Variants in PARVG observed in about 807,000 individuals in gnomAD.
PARVG encodes gamma-parvin.
PARVG carries 36 observed loss-of-function variants against 44.4 expected under a neutral mutation model. The ratio of observed to expected loss-of-function variants is 0.81; its 90% CI spans 0.62 to 1.07. The LOEUF (loss-of-function observed/expected upper bound fraction) is 1.07, where lower values mean the gene tolerates loss of function less well. PARVG is among the 50% of genes least tolerant of loss of function. The pLI is 0.00. For missense variants in PARVG, 407 were observed against 407.4 expected (o/e 1.00, Z 0.01); for synonymous variants, 170 against 174.1 (o/e 0.98, Z 0.19).
At chr22:44,199,079 A>T (rs1011401752) in intron 12 of PARVG, among the ~76,000 whole-genome samples, 1 of 150,348 alleles carries the variant, frequency 6.7e-6, no homozygotes, top group Non-Finnish European at 1.5e-5. Flanking sequence ...GCCACCCACC[A>T]TCTATGCACC....
chr22:44,189,688 G>A (rs945188301), intron 6 of PARVG, among the ~76,000 whole-genome samples: 6 of 152,138 alleles, frequency 3.9e-5, no homozygotes, highest in South Asian at 2.1e-4. Flanking sequence ...AGGCCGAGGC[G>A]GGTGGATCAC....
chr22:44,188,946 C>CGT, intron 5 of PARVG, 168 bp from the exon 6 acceptor site: 1 of 765,776 alleles, frequency 1.3e-6, no homozygotes, highest in Non-Finnish European at 2.0e-6. Flanking sequence ...AGCTGGAGGG[C>CGT]ATACCCGATT....
At position 44,207,077 on chromosome 22, in the gene PARVG, CT is replaced by C. The variant is rs2054791143; in HGVS notation, c.*652del. 6.5e-6 allele frequency: 1 copy of C among 152,814 alleles called. No homozygotes were observed. Among genetic ancestry groups the C allele is most frequent in the Admixed American group, 6.6e-5 (1 of 15,218 alleles). 9.5% of individuals were successfully genotyped at this position (152,814 alleles called of 1,614,324 possible). A position where few individuals can be genotyped will look rare whatever the true frequency, so the allele number is the denominator to read the frequency against. ...TTAGTGGGTTCAGGTCATCTCCAGT[CT>C]GTCCTCGGGAGCTGTGGGTTCCCAC... On this transcript the variant is annotated 3_prime_UTR_variant, in exon 14 of 14. Coordinates refer to ENST00000444313, the MANE Select transcript of PARVG (RefSeq NM_022141.7).
rs1023100149 is a variant in PARVG, at chr22:44,192,079, T to C, written c.535T>C (p.Leu179=). Residue 179 remains leucine (L), a synonymous_variant, in exon 8 of 14, where the codon TTG becomes CTG. Transcript: ENST00000444313. ...STKSGLKSEK[L]VEQLTEYSTD... ...CAAAAGTGGTCTGAAGTCAGAGAAGTTGGTGGAACAGCTCACTGAATACAG... is the reference window on the plus strand; with the variant it reads ...CAAAAGTGGTCTGAAGTCAGAGAAGCTGGTGGAACAGCTCACTGAATACAG... The C allele has an allele frequency of 1.2e-5, 20 of 1,613,502 alleles. No homozygotes were observed. Among genetic ancestry groups the C allele is most frequent in the Non-Finnish European group, 1.5e-5 (18 of 1,179,970 alleles).
rs764067564 is a variant in PARVG, at chr22:44,187,911, C to T, written c.247+33C>T. On this transcript the variant is annotated intron_variant, in intron 5 of 13. Coordinates refer to ENST00000444313, the MANE Select transcript of PARVG (RefSeq NM_022141.7). ...GCTGTTTCTGGGGCTGCCTGGGCCT[C>T]GGCCCCATCCCCCTGACCTGGCCCC... The T allele has an allele frequency of 5.2e-5, 84 of 1,609,740 alleles. No homozygotes were observed. In the South Asian group the frequency reaches 5.5e-4, roughly 11 times the overall value.
chr22:44,192,237 C>A, intron 8 of PARVG, 133 bp downstream of exon 8: 1 of 1,014,656 alleles, frequency 9.9e-7, no homozygotes, highest in Non-Finnish European at 1.4e-6. Context: ...CTCTCAGACC[C>A]GAAAATGCTG....
chr22:44,186,147 C>G, intron 4 of PARVG: 1 of 328,512 alleles, frequency 3.0e-6, no homozygotes, highest in Non-Finnish European at 6.1e-6. Flanking sequence ...CCTTACATCC[C>G]GGGGACAGGA....
At chr22:44,188,715 G>T (rs1334048345) in intron 5 of PARVG, 2 of 190,636 alleles carry the variant, frequency 1.0e-5, no homozygotes, top group African/African-American at 2.3e-5. Context: ...GGAAGCAGGG[G>T]GGTCAGGATA....
rs1313696843 is a variant in PARVG at position 44,190,674 on chromosome 22, C to T, written c.504+8C>T. The T allele has an allele frequency of 6.3e-7, 1 of 1,599,378 alleles. No homozygotes were observed. Among genetic ancestry groups the T allele is most frequent in the Non-Finnish European group, 8.6e-7 (1 of 1,166,422 alleles). ...GAGGTCATCACTATCGAGGTAGCAGCCTGGGCCCCAGGGATTTGTAAGCAG... is the reference window on the plus strand; with the variant it reads ...GAGGTCATCACTATCGAGGTAGCAGTCTGGGCCCCAGGGATTTGTAAGCAG... On this transcript the variant is annotated splice_region_variant and intron_variant, in intron 7 of 13. Transcript: ENST00000444313.
intron 3 of PARVG, chr22:44,183,694 C>T (rs1231180081): frequency 3.5e-5 from 15 of 427,372 alleles, no homozygotes; most frequent in South Asian, 6.7e-5. Flanking sequence ...TGCACCAGCA[C>T]CTCTTACCAA....
At chr22:44,183,545 C>A in intron 3 of PARVG, 137 bp downstream of exon 3, 1 of 731,880 alleles carries the variant, frequency 1.4e-6, no homozygotes, top group East Asian at 3.0e-5. Context: ...CCTCCACCTT[C>A]TGCTTTATGC....
chr22:44,174,822 T>G (rs767719545), intron 1 of PARVG, among the ~76,000 whole-genome samples: 6 of 151,872 alleles, frequency 4.0e-5, no homozygotes, highest in Non-Finnish European at 7.4e-5. Context: ...TTCTCACTTG[T>G]TCTCAAATAT....
intron 8 of PARVG, among the ~76,000 whole-genome samples, chr22:44,193,229 AAAG>A (rs1047561688): frequency 2.6e-5 from 4 of 152,338 alleles, no homozygotes; most frequent in East Asian, 1.9e-4. Context: ...ACCAAAAAAA[AAAG>A]AAGAAGAAAA....
chr22:44,183,869 G>A (rs537390846), intron 3 of PARVG: 114 of 375,716 alleles, frequency 3.0e-4, no homozygotes, highest in Admixed American at 2.4e-3. Flanking sequence ...GGTTCCACAC[G>A]GACCACGCAG....
chr22:44,194,708 A>G (rs550907950), intron 9 of PARVG, among the ~76,000 whole-genome samples: 87 of 149,540 alleles, frequency 5.8e-4, no homozygotes, highest in African/African-American at 2.0e-3. Flanking sequence ...CCACCTATCC[A>G]CGCATTCATC....
intron 4 of PARVG, 151 bp from the exon 5 acceptor site, chr22:44,187,625 A>C: frequency 1.4e-6 from 1 of 712,224 alleles, no homozygotes; most frequent in South Asian, 1.7e-5. Flanking sequence ...AGCCTGGGAG[A>C]TCAAGGAGGG....
At chr22:44,186,037 C>T in intron 4 of PARVG, 165 bp downstream of exon 4, 7 of 512,606 alleles carry the variant, frequency 1.4e-5, no homozygotes, top group Non-Finnish European at 2.5e-5. Flanking sequence ...AGCAAGTCAC[C>T]CACAGAGCCT....
intron 5 of PARVG, chr22:44,188,475 A>G (rs1045291605): frequency 1.8e-5 from 3 of 162,406 alleles, no homozygotes; most frequent in Non-Finnish European, 4.1e-5. Context: ...AGATAGGCCC[A>G]ATTCCATGTC....
In PARVG at chr22:44,206,334, G is replaced by T; in HGVS notation, c.904G>T (p.Ala302Ser). The T allele has an allele frequency of 1.2e-6, 2 of 1,613,610 alleles. No homozygotes were observed. The highest frequency in any genetic ancestry group is 1.7e-6 in the Non-Finnish European group (2 of 1,179,756). ...VSPEDIVNKD[A>S]KSTLRVLYGL... ...GCCCGCAGATATCGTGAACAAGGAT[G>T]CCAAGAGCACACTGAGGGTGCTCTA... is the stretch of plus-strand genomic sequence containing the variant. The change falls in exon 14 of 14, where the codon GCC becomes TCC. Residue 302 changes from alanine to serine, a missense_variant. By Grantham distance (99) the Ala-to-Ser change is moderately conservative. Transcript: ENST00000444313.
Sources: gnomAD v4.1 joint callset for allele counts (sites outside exome capture counted in the v4.1 genomes callset) on GRCh38, gnomAD v4.1.1 for gene constraint, MANE v1.5 for transcripts, NCBI Gene and HGNC (gene_info 2026-07-23, HGNC 2026-07-21) for gene names.